RBMS3: variants seen among roughly 807,000 people sequenced by gnomAD.
RBMS3 encodes the protein RNA binding motif single stranded interacting protein 3.
RBMS3 carries 27 observed loss-of-function variants against 66.8 expected under a neutral mutation model. The observed-to-expected ratio is 0.40, with a 90% CI of 0.30 to 0.56. The LOEUF (loss-of-function observed/expected upper bound fraction) is 0.56, where lower values mean the gene tolerates loss of function less well. Among genes scored for constraint, RBMS3 ranks in the 20% least tolerant of loss-of-function variants. RBMS3 has a pLI of 0.40. For synonymous variants in RBMS3, 188 were observed against 183.0 expected (o/e 1.03, Z -0.22); for missense variants, 513 against 549.5 (o/e 0.93, Z 0.66).
At chr3:29,501,551 T>TA (rs1471607593) in intron 3 of RBMS3, among the ~76,000 whole-genome samples, 1 of 152,178 alleles carries the variant, frequency 6.6e-6, no homozygotes, top group Non-Finnish European at 1.5e-5. Flanking sequence ...GAGGAAGACT[T>TA]ACGGTGCTTC....
chr3:29,596,039 T>C (rs1384032217), intron 4 of RBMS3, among the ~76,000 whole-genome samples: 1 of 152,168 alleles, frequency 6.6e-6, no homozygotes, highest in Non-Finnish European at 1.5e-5. Flanking sequence ...ATTATGTAAG[T>C]GGACAAGTAA....
intron 14 of RBMS3, among the ~76,000 whole-genome samples, chr3:30,002,756 A>T (rs1303428304): frequency 6.6e-6 from 1 of 151,976 alleles, no homozygotes; most frequent in Admixed American, 6.6e-5. Context: ...GGCTCACATG[A>T]TGGCTTTTTG....
intron 1 of RBMS3, among the ~76,000 whole-genome samples, chr3:29,367,158 C>G (rs1436310630): frequency 6.6e-6 from 1 of 151,700 alleles, no homozygotes; most frequent in South Asian, 2.1e-4. Context: ...ATATGTTTTT[C>G]CATTTTATGA....
In RBMS3 at chr3:29,512,949, C is replaced by A. The variant is rs368026535; in HGVS notation, c.307+24450C>A. ...TCTGCTCTCACCACATTCAGGTAAC[C>A]ATTCCAGAGTTCTTAGGTTCCACTT... is the stretch of plus-strand genomic sequence containing the variant. On this transcript the variant is annotated intron_variant, in intron 3 of 14. Transcript: ENST00000383767. Among the ~76,000 whole-genome samples, 76 of 152,262 alleles carry A rather than the reference C, an allele frequency of 5.0e-4. 1 individual carries two copies. In the South Asian group the frequency reaches 0.011, roughly 22 times the overall value.
Position 29,403,409 on chromosome 3 carries a change from A to T in RBMS3, c.76-31334A>T, listed in dbSNP as rs539233909. Reference sequence around the variant, plus strand: ...GTGGCTGTAGGATGCAATATTGTGGAGTGTACAAACCAGATTTGGCTCTAG... The same window carrying T: ...GTGGCTGTAGGATGCAATATTGTGGTGTGTACAAACCAGATTTGGCTCTAG... On this transcript the variant is annotated intron_variant, in intron 1 of 14. Coordinates refer to ENST00000383767, the MANE Select transcript of RBMS3 (RefSeq NM_001003793.3). 2.6e-5 allele frequency among the ~76,000 whole-genome samples: 4 copies of T among 152,212 alleles called. No homozygotes were observed. The South Asian group carries it at 8.3e-4, about 32-fold the overall frequency.
intron 4 of RBMS3, among the ~76,000 whole-genome samples, chr3:29,647,169 G>A (rs548016260): frequency 2.1e-4 from 32 of 152,218 alleles, no homozygotes; most frequent in African/African-American, 7.5e-4. Flanking sequence ...AGTAGAGATG[G>A]GGTTTCACCA....
intron 4 of RBMS3, among the ~76,000 whole-genome samples, chr3:29,676,173 G>A (rs1430459378): frequency 6.6e-6 from 1 of 152,142 alleles, no homozygotes; most frequent in Non-Finnish European, 1.5e-5. Flanking sequence ...ACTATTGCAA[G>A]GACAGAAAAC....
intron 6 of RBMS3, among the ~76,000 whole-genome samples, chr3:29,833,964 C>A (rs2058439286): frequency 6.6e-6 from 1 of 151,998 alleles, no homozygotes; most frequent in South Asian, 2.1e-4. Flanking sequence ...ATAAGAGAAC[C>A]TGCATTAGAC....
chr3:29,624,880 C>T (rs2049003087), intron 4 of RBMS3, among the ~76,000 whole-genome samples: 1 of 152,064 alleles, frequency 6.6e-6, no homozygotes, highest in Non-Finnish European at 1.5e-5. Flanking sequence ...TCTTGACTTA[C>T]AAAATTGTTG....
At chr3:29,483,865 G>C (rs1197056436) in intron 2 of RBMS3, among the ~76,000 whole-genome samples, 1 of 152,024 alleles carries the variant, frequency 6.6e-6, no homozygotes, top group African/African-American at 2.4e-5. Context: ...TCTTTGTAAG[G>C]TATTAGCCCG....
chr3:29,967,389 G>A lies in RBMS3; in HGVS notation c.1099-20754G>A, dbSNP rs907168217. Among the ~76,000 whole-genome samples the A allele has an allele frequency of 8.6e-5, 13 of 152,016 alleles. 1 individual carries two copies. The highest frequency in any genetic ancestry group is 4.6e-4 in the Admixed American group (7 of 15,252). ...GGCCTCACTGCAACCTCTGCCTCCC[G>A]AGTTCAAGTGCTTCTCCTGCCTCAG... On this transcript the variant is annotated intron_variant, in intron 12 of 14. Transcript: ENST00000383767.
chr3:29,588,573 A>G (rs2047614351), intron 4 of RBMS3, among the ~76,000 whole-genome samples: 1 of 152,056 alleles, frequency 6.6e-6, no homozygotes, highest in African/African-American at 2.4e-5. Flanking sequence ...CACTTCCCAT[A>G]TAGATTACTT....
At chr3:29,812,601 T>C (rs184738210) in intron 6 of RBMS3, among the ~76,000 whole-genome samples, 41 of 152,306 alleles carry the variant, frequency 2.7e-4, no homozygotes, top group African/African-American at 9.9e-4. Flanking sequence ...AGTCTGCCCA[T>C]CTAAAACTTG....
At chr3:29,287,884 A>G (rs2032493006) in intron 1 of RBMS3, among the ~76,000 whole-genome samples, 1 of 151,976 alleles carries the variant, frequency 6.6e-6, no homozygotes, top group African/African-American at 2.4e-5. Flanking sequence ...GCAGACTGAG[A>G]TGAGTTAAAT....
chr3:29,378,073 C>G (rs1360576339), intron 1 of RBMS3, among the ~76,000 whole-genome samples: 6 of 152,174 alleles, frequency 3.9e-5, no homozygotes, highest in African/African-American at 1.4e-4. Flanking sequence ...CTGAGATTTT[C>G]TCTCTAATTT....
At chr3:29,952,283 C>A (rs1272889897) in intron 12 of RBMS3, among the ~76,000 whole-genome samples, 2 of 151,794 alleles carry the variant, frequency 1.3e-5, no homozygotes, top group Non-Finnish European at 2.9e-5. Flanking sequence ...ATTCTATAAC[C>A]TAAATTCATT....
chr3:29,705,984 C>T (rs1009808407), intron 4 of RBMS3, among the ~76,000 whole-genome samples: 2 of 152,176 alleles, frequency 1.3e-5, no homozygotes, highest in African/African-American at 4.8e-5. Flanking sequence ...CCAGCAAGGG[C>T]TCTGCCTTCC....
At chr3:29,671,208 C>A (rs779099990) in intron 4 of RBMS3, among the ~76,000 whole-genome samples, 6 of 152,180 alleles carry the variant, frequency 3.9e-5, no homozygotes, top group Non-Finnish European at 7.3e-5. Flanking sequence ...AGAAGGAAAA[C>A]TAACAAACAG....
chr3:29,546,173 TACAC>T (rs989569512), intron 3 of RBMS3, among the ~76,000 whole-genome samples: 1 of 151,110 alleles, frequency 6.6e-6, no homozygotes, highest in Non-Finnish European at 1.5e-5. Flanking sequence ...AATATGCACA[TACAC>T]ATTTATTTTT....
Sources: gnomAD v4.1 joint callset for allele counts (sites outside exome capture counted in the v4.1 genomes callset) on GRCh38, gnomAD v4.1.1 for gene constraint, MANE v1.5 for transcripts, NCBI Gene and HGNC (gene_info 2026-07-23, HGNC 2026-07-21) for gene names.